The following ANKRD18A variants were observed in gnomAD, a reference collection of about 807,000 sequenced individuals.
ANKRD18A encodes ankyrin repeat domain-containing protein 18A.
Under a neutral mutation model 110.6 loss-of-function variants are expected in ANKRD18A, and 72 were observed. The observed-to-expected ratio is 0.65, with a 90% CI of 0.54 to 0.79. ANKRD18A has a LOEUF of 0.79. ANKRD18A is among the 30% of genes least tolerant of loss of function. ANKRD18A has a pLI of 0.00. For missense variants in ANKRD18A, 934 were observed against 1,163.3 expected (o/e 0.80, Z 2.87); for synonymous variants, 305 against 410.3 (o/e 0.74, Z 3.10).
intron 12 of ANKRD18A, among the ~76,000 whole-genome samples, chr9:38,582,981 A>G (rs945710536): frequency 2.0e-5 from 3 of 152,200 alleles, no homozygotes; most frequent in African/African-American, 7.2e-5. Flanking sequence ...TAACAAGATA[A>G]CCCAATTTAA....
Position 38,577,920 on chromosome 9 carries a change from G to C in ANKRD18A, c.2476C>G (p.Leu826Val). Residue 826 changes from leucine (L) to valine (V), a missense_variant, in exon 13 of 16, where the codon CTG (leucine) becomes GTG (valine). Leu to Val is a conservative substitution (Grantham distance 32). Coordinates refer to ENST00000399703, the MANE Select transcript of ANKRD18A (RefSeq NM_147195.4). Reference sequence around the variant, plus strand: ...ATTTCCTGCACTGCCCTTTCATCCAGCTCCGATTTATATTCTTGTAGTTTA... The same window carrying C: ...ATTTCCTGCACTGCCCTTTCATCCACCTCCGATTTATATTCTTGTAGTTTA... Reference protein sequence around the residue: ...LGKLQEYKSELDERAVQEIEK... With the variant: ...LGKLQEYKSEVDERAVQEIEK... 6.3e-7 allele frequency: 1 copy of C among 1,597,430 alleles called. No individual in the cohort carries two copies. Among genetic ancestry groups the C allele is most frequent in the South Asian group, 1.1e-5 (1 of 88,904 alleles).
chr9:38,597,372 C>T (rs147768438), intron 8 of ANKRD18A, among the ~76,000 whole-genome samples: 5,162 of 152,196 alleles, frequency 0.034, 132 homozygotes, highest in African/African-American at 0.069. Flanking sequence ...CACAAGGAGC[C>T]GAGTGAAACT....
Position 38,620,545 on chromosome 9 carries a change from A to G in ANKRD18A, c.-260T>C. 1.5e-6 allele frequency: 2 copies of G among 1,301,278 alleles called. No individual in the cohort carries two copies. The highest frequency in any genetic ancestry group is 2.0e-6 in the Non-Finnish European group (2 of 1,013,674). The allele number at this position is 1,301,278 out of a possible 1,614,324, so 80.6% of individuals were successfully genotyped here. A position where few individuals can be genotyped will look rare whatever the true frequency, so the allele number is the denominator to read the frequency against. On this transcript the variant is annotated 5_prime_UTR_variant, in exon 1 of 16. Coordinates refer to ENST00000399703, the MANE Select transcript of ANKRD18A (RefSeq NM_147195.4). ...CCTCTCAGACCGAGTGAGCCCAGCT[A>G]AGCCGTTAGGCGCGCGCCTGAACCT...
intron 11 of ANKRD18A, 97 bp downstream of exon 11, chr9:38,588,454 G>T: frequency 5.9e-5 from 41 of 690,156 alleles, no homozygotes; most frequent in South Asian, 1.2e-4. Flanking sequence ...TGAAAATGAA[G>T]ACATAAAATG....
chr9:38,596,640 G>C (rs940138742), intron 8 of ANKRD18A, among the ~76,000 whole-genome samples: 1 of 152,056 alleles, frequency 6.6e-6, no homozygotes. Flanking sequence ...ACACTCTAGA[G>C]AATTTTTAAG....
intron 10 of ANKRD18A, among the ~76,000 whole-genome samples, chr9:38,593,310 C>T (rs530089083): frequency 6.6e-6 from 1 of 152,220 alleles, no homozygotes; most frequent in East Asian, 1.9e-4. Context: ...AGTATGATGG[C>T]CTTTCTGTAC....
chr9:38,584,116 C>A (rs1318339176), intron 12 of ANKRD18A, among the ~76,000 whole-genome samples: 1 of 152,138 alleles, frequency 6.6e-6, no homozygotes, highest in Non-Finnish European at 1.5e-5. Flanking sequence ...TTGCAGGACC[C>A]CTCTCTTTGC....
chr9:38,580,029 G>A (rs1824086789), intron 12 of ANKRD18A, among the ~76,000 whole-genome samples: 1 of 152,212 alleles, frequency 6.6e-6, no homozygotes, highest in African/African-American at 2.4e-5. Context: ...GTAGCCACGT[G>A]GCTCAGTCTG....
At chr9:38,615,905 G>C (rs1403193878) in intron 2 of ANKRD18A, 25 bp downstream of exon 2, 12 of 1,536,236 alleles carry the variant, frequency 7.8e-6, no homozygotes. Context: ...TCCATTTCAT[G>C]CTGAAAGAGT....
chr9:38,572,160 A>C (rs573911302), intron 15 of ANKRD18A, 101 bp from the exon 16 acceptor site: 24 of 851,442 alleles, frequency 2.8e-5, no homozygotes, highest in Middle Eastern at 5.0e-4. Flanking sequence ...AGAGTTAATA[A>C]GAATGAGAAA....
intron 8 of ANKRD18A, among the ~76,000 whole-genome samples, chr9:38,596,965 T>C (rs1824909635): frequency 6.6e-6 from 1 of 152,160 alleles, no homozygotes; most frequent in Non-Finnish European, 1.5e-5. Flanking sequence ...CATACATACA[T>C]TGATGAACTT....
rs1254444166 is a variant in ANKRD18A, at chr9:38,610,290, A to C, written c.723T>G (p.Leu241=). ...MFGQTAEDYA[L]CSDLRSIRQQ... is the part of the protein sequence containing the mutation. The stretch of plus-strand genomic sequence containing the variant: ...GCACATACCTTCTCAAATCAGAACA[A>C]AGAGCATAATCCTCGGCAGTTTGGC... The change falls in exon 5 of 16, where the codon CTT becomes CTG. Residue 241 remains leucine (L), a synonymous_variant. Coordinates refer to ENST00000399703, the MANE Select transcript of ANKRD18A (RefSeq NM_147195.4). 6.5e-7 allele frequency: 1 copy of C among 1,546,154 alleles called. No individual in the cohort carries two copies. The highest frequency in any genetic ancestry group is 1.2e-5 in the South Asian group (1 of 82,496).
At chr9:38,570,251 G>A (rs4008158), downstream of ANKRD18A, among the ~76,000 whole-genome samples, 6 of 151,542 alleles carry the variant, frequency 4.0e-5, no homozygotes, top group Non-Finnish European at 5.9e-5. Context: ...GACTGGGTTC[G>A]CACTGACAAG....
At chr9:38,598,821 C>T (rs1043938799) in intron 8 of ANKRD18A, among the ~76,000 whole-genome samples, 4 of 152,180 alleles carry the variant, frequency 2.6e-5, no homozygotes, top group African/African-American at 7.2e-5. Context: ...TATTGGTTTT[C>T]GGCTTCATAA....
chr9:38,606,600 A>G (rs1825367996), intron 6 of ANKRD18A, among the ~76,000 whole-genome samples: 1 of 152,336 alleles, frequency 6.6e-6, no homozygotes. Flanking sequence ...TAAAGTTTCC[A>G]GTCAATGGTA....
chr9:38,606,859 TACA>T (rs1157158789), intron 6 of ANKRD18A, among the ~76,000 whole-genome samples: 1 of 152,144 alleles, frequency 6.6e-6, no homozygotes, highest in African/African-American at 2.4e-5. Context: ...TTTATATTAA[TACA>T]AAAATATGTA....
At chr9:38,570,469 C>T (rs558026087), downstream of ANKRD18A, among the ~76,000 whole-genome samples, 1 of 152,272 alleles carries the variant, frequency 6.6e-6, no homozygotes, top group South Asian at 2.1e-4. Context: ...TCAGGCCCCA[C>T]TAATAAGAGC....
rs1262664729 is a variant in ANKRD18A at position 38,578,151 on chromosome 9, G to A, written c.2248-3C>T. 3.3e-6 allele frequency: 5 copies of A among 1,536,610 alleles called. No individual in the cohort carries two copies. Among genetic ancestry groups the A allele is most frequent in the Non-Finnish European group, 4.4e-6 (5 of 1,143,494 alleles). ...TTCTCGGCCACAAGATCATTAAACT[G>A]CATTAAGAAAATAATAGAGCTTGAT... On this transcript the variant is annotated splice_region_variant and splice_polypyrimidine_tract_variant and intron_variant, in intron 12 of 15. Transcript: ENST00000399703.
At chr9:38,617,394 C>T (rs1563980499) in intron 1 of ANKRD18A, among the ~76,000 whole-genome samples, 1 of 152,128 alleles carries the variant, frequency 6.6e-6, no homozygotes, top group Non-Finnish European at 1.5e-5. Context: ...GAGCTGAGAT[C>T]ACGCCACTGC....
Sources: gnomAD v4.1 joint callset for allele counts (sites outside exome capture counted in the v4.1 genomes callset) on GRCh38, gnomAD v4.1.1 for gene constraint, MANE v1.5 for transcripts, NCBI Gene and HGNC (gene_info 2026-07-23, HGNC 2026-07-21) for gene names.